LARS2: variants seen among roughly 807,000 people sequenced by gnomAD.
The protein encoded by LARS2 is leucine--tRNA ligase, mitochondrial.
LARS2 carries 81 observed loss-of-function variants against 116.6 expected under a neutral mutation model. The observed-to-expected ratio is 0.69, with a 90% CI of 0.58 to 0.84. The LOEUF (loss-of-function observed/expected upper bound fraction) is 0.84, where lower values mean the gene tolerates loss of function less well. Among genes scored for constraint, LARS2 ranks in the 40% least tolerant of loss-of-function variants. LARS2 has a pLI of 0.00. For synonymous variants in LARS2, 396 were observed against 407.2 expected, an observed-to-expected ratio of 0.97 and a Z score of 0.33; for missense variants, 968 against 1,114.5, an observed-to-expected ratio of 0.87 and a Z score of 1.87.
At chr3:45,511,496 T>C (rs1183576017) in intron 15 of LARS2, among the ~76,000 whole-genome samples, 1 of 152,156 alleles carries the variant, frequency 6.6e-6, no homozygotes, top group Admixed American at 6.6e-5. Flanking sequence ...CACAAGTGTG[T>C]TTTATATTGT....
intron 13 of LARS2, among the ~76,000 whole-genome samples, chr3:45,493,533 T>C (rs1357507792): frequency 6.6e-6 from 1 of 152,170 alleles, no homozygotes; most frequent in East Asian, 1.9e-4. Flanking sequence ...CTACAAGACC[T>C]TGGACAAGGT....
intron 5 of LARS2, among the ~76,000 whole-genome samples, chr3:45,419,197 T>C (rs1698478113): frequency 6.6e-6 from 1 of 152,204 alleles, no homozygotes; most frequent in South Asian, 2.1e-4. Flanking sequence ...TGGTGGATAG[T>C]TTTAGGTTTT....
chr3:45,400,647 C>T (rs1698131151), intron 4 of LARS2, among the ~76,000 whole-genome samples: 1 of 152,096 alleles, frequency 6.6e-6, no homozygotes, highest in Non-Finnish European at 1.5e-5. Context: ...ATGTGGATAA[C>T]ACTGATAATC....
At chr3:45,546,153 G>T (rs1331861867) in intron 21 of LARS2, among the ~76,000 whole-genome samples, 1 of 152,138 alleles carries the variant, frequency 6.6e-6, no homozygotes, top group Non-Finnish European at 1.5e-5. Flanking sequence ...ACTAATAACT[G>T]CATGTCCTGA....
At chr3:45,503,679 A>C (rs1435701311) in intron 15 of LARS2, among the ~76,000 whole-genome samples, 1 of 149,680 alleles carries the variant, frequency 6.7e-6, no homozygotes, top group Non-Finnish European at 1.5e-5. Context: ...TTTTTTTTTC[A>C]GTTGTTGTTA....
chr3:45,408,692 A>G (rs1308355036), intron 4 of LARS2, among the ~76,000 whole-genome samples: 1 of 152,192 alleles, frequency 6.6e-6, no homozygotes, highest in Non-Finnish European at 1.5e-5. Context: ...TGCAGCTGAG[A>G]TCAGCCTTTG....
At chr3:45,488,925 G>A in intron 12 of LARS2, 113 bp downstream of exon 12, 1 of 746,594 alleles carries the variant, frequency 1.3e-6, no homozygotes, top group Non-Finnish European at 2.5e-6. Flanking sequence ...ATACCTAACA[G>A]CCTTGTGGCC....
At chr3:45,432,534 C>G (rs1480247155) in intron 6 of LARS2, among the ~76,000 whole-genome samples, 1 of 151,836 alleles carries the variant, frequency 6.6e-6, no homozygotes, top group African/African-American at 2.4e-5. Context: ...ACAACACGCT[C>G]TTAAACAACA....
At chr3:45,506,071 T>C (rs1374043400) in intron 15 of LARS2, among the ~76,000 whole-genome samples, 1 of 152,122 alleles carries the variant, frequency 6.6e-6, no homozygotes, top group African/African-American at 2.4e-5. Context: ...CTATATGGTG[T>C]AAATTGAAAT....
At position 45,500,599 on chromosome 3, in the gene LARS2, T is replaced by C; in HGVS notation, c.1760+20T>C. The stretch of plus-strand genomic sequence containing the variant: ...ACATAGGTAAGCACTTATACTGCTT[T>C]GCAAAATAATTGAGTTCCATGAATA... On this transcript the variant is annotated intron_variant, in intron 15 of 21. Coordinates refer to ENST00000645846, the MANE Select transcript of LARS2 (RefSeq NM_015340.4). The C allele has an allele frequency of 6.6e-7, 1 of 1,511,334 alleles. No homozygotes were observed. The highest frequency in any genetic ancestry group is 8.8e-7 in the Non-Finnish European group (1 of 1,134,242). 93.6% of individuals were successfully genotyped at this position (1,511,334 alleles called of 1,614,324 possible).
At chr3:45,448,821 A>G (rs1212432256) in intron 7 of LARS2, among the ~76,000 whole-genome samples, 4 of 152,216 alleles carry the variant, frequency 2.6e-5, no homozygotes, top group African/African-American at 7.2e-5. Flanking sequence ...CCTTGCCCTC[A>G]TTCTGATAAA....
In LARS2 at chr3:45,449,156, ATTTTTTTT is replaced by A. The variant is rs1161349903; in HGVS notation, c.606+2192_606+2199del. ...GGAGCAAGGGGAAGCTTAACTCACTATTTTTTTTTTTTTTTTTTTTTTTGAGACAGAGT... is the reference window on the plus strand; with the variant it reads ...GGAGCAAGGGGAAGCTTAACTCACTATTTTTTTTTTTTTTTGAGACAGAGT... On this transcript the variant is annotated intron_variant, in intron 7 of 21. Transcript: ENST00000645846. Among the ~76,000 whole-genome samples, 608 of 102,924 alleles carry A rather than the reference ATTTTTTTT, an allele frequency of 5.9e-3. 20 individuals carry two copies. In the East Asian group the frequency reaches 0.13, roughly 22 times the overall value. 67.5% of individuals were successfully genotyped at this position (102,924 alleles called of 152,430 possible). A position where few individuals can be genotyped will look rare whatever the true frequency, so the allele number is the denominator to read the frequency against.
At chr3:45,532,520 A>G (rs901503211) in intron 20 of LARS2, among the ~76,000 whole-genome samples, 5 of 152,150 alleles carry the variant, frequency 3.3e-5, no homozygotes, top group Admixed American at 6.5e-5. Context: ...AAAAAAATCT[A>G]TTTGCTGGGG....
intron 21 of LARS2, 131 bp downstream of exon 21, chr3:45,542,087 T>A: frequency 1.7e-6 from 2 of 1,175,920 alleles, no homozygotes; most frequent in Non-Finnish European, 2.4e-6. Context: ...CAGCCACACC[T>A]TGTGACCGGA....
At chr3:45,483,592 T>G (rs1699742346) in intron 10 of LARS2, among the ~76,000 whole-genome samples, 2 of 152,074 alleles carry the variant, frequency 1.3e-5, no homozygotes, top group Non-Finnish European at 2.9e-5. Flanking sequence ...GAGGTTGCAG[T>G]GAGCTGAGAT....
intron 10 of LARS2, among the ~76,000 whole-genome samples, chr3:45,480,882 T>G (rs558839143): frequency 6.6e-6 from 1 of 152,250 alleles, no homozygotes; most frequent in Non-Finnish European, 1.5e-5. Context: ...TTATATTACT[T>G]TCTTTTGTAA....
At chr3:45,395,308 AGTTAGTGG>A (rs1698026393) in intron 3 of LARS2, among the ~76,000 whole-genome samples, 1 of 152,172 alleles carries the variant, frequency 6.6e-6, no homozygotes, top group Admixed American at 6.5e-5. Flanking sequence ...CAGCTACATG[AGTTAGTGG>A]ACCCTTGGCT....
At position 45,541,711 on chromosome 3, in the gene LARS2, C is replaced by T. The variant is rs1472085069; in HGVS notation, c.2405-118C>T. On this transcript the variant is annotated intron_variant, in intron 20 of 21. Transcript: ENST00000645846. ...CACCCAGCAGCCATGGTCTGGCTTC[C>T]CACCGGCTCCTCACACAGCTCCAAG... is the stretch of plus-strand genomic sequence containing the variant. 13 of 1,325,148 alleles carry T rather than the reference C, an allele frequency of 9.8e-6. No homozygotes were observed. In the South Asian group the frequency reaches 1.5e-4, roughly 15 times the overall value. 82.1% of individuals were successfully genotyped at this position (1,325,148 alleles called of 1,614,324 possible).
At chr3:45,515,996 C>G (rs1700364135) in intron 16 of LARS2, 98 bp from the exon 17 acceptor site, 6 of 877,394 alleles carry the variant, frequency 6.8e-6, no homozygotes, top group Non-Finnish European at 8.8e-6. Context: ...CAAATGGACA[C>G]TTTCCATCGC....
Sources: gnomAD v4.1 joint callset for allele counts (sites outside exome capture counted in the v4.1 genomes callset) on GRCh38, gnomAD v4.1.1 for gene constraint, MANE v1.5 for transcripts, NCBI Gene and HGNC (gene_info 2026-07-23, HGNC 2026-07-21) for gene names.